The following EBF1 variants were observed in gnomAD, a reference collection of about 807,000 sequenced individuals.
The protein encoded by EBF1 is transcription factor COE1.
Under a neutral mutation model 68.4 loss-of-function variants are expected in EBF1, and 10 were observed. The ratio of observed to expected loss-of-function variants is 0.15; its 90% CI spans 0.09 to 0.25. The LOEUF (loss-of-function observed/expected upper bound fraction) is 0.25. Among genes scored for constraint, EBF1 ranks in the 10% least tolerant of loss-of-function variants. EBF1 has a pLI of 1.00. For synonymous variants in EBF1, 298 were observed against 299.8 expected, an observed-to-expected ratio of 0.99 and a Z score of 0.06; for missense variants, 509 against 794.4, an observed-to-expected ratio of 0.64 and a Z score of 4.32.
At chr5:158,910,121 G>A (rs1468279333) in intron 6 of EBF1, among the ~76,000 whole-genome samples, 3 of 152,096 alleles carry the variant, frequency 2.0e-5, no homozygotes, top group Non-Finnish European at 2.9e-5. Flanking sequence ...TTGAGCTATG[G>A]AATTTGTCTG....
At chr5:158,898,597 T>G (rs1802634419) in intron 6 of EBF1, among the ~76,000 whole-genome samples, 1 of 152,228 alleles carries the variant, frequency 6.6e-6, no homozygotes, top group Non-Finnish European at 1.5e-5. Flanking sequence ...AAACAATTGT[T>G]GGGTATAAAT....
chr5:159,006,647 T>TTAAAAAAAA (rs1763612371), intron 6 of EBF1, among the ~76,000 whole-genome samples: 1 of 56,226 alleles, frequency 1.8e-5, no homozygotes, highest in Non-Finnish European at 3.0e-5. Flanking sequence ...ATAGCCATGT[T>TTAAAAAAAA]AAAAAAAAAA....
intron 6 of EBF1, among the ~76,000 whole-genome samples, chr5:159,033,925 T>C (rs1019036782): frequency 6.6e-6 from 1 of 152,156 alleles, no homozygotes; most frequent in African/African-American, 2.4e-5. Flanking sequence ...TTTAATGTAA[T>C]AGGGTAAGCT....
At chr5:159,050,745 C>T (rs1169452065) in intron 6 of EBF1, among the ~76,000 whole-genome samples, 1 of 152,238 alleles carries the variant, frequency 6.6e-6, no homozygotes, top group Non-Finnish European at 1.5e-5. Flanking sequence ...AGGAGCCCTC[C>T]TTCCCCGCCA....
chr5:158,753,522 A>G (rs1769385452), intron 10 of EBF1, among the ~76,000 whole-genome samples: 1 of 152,104 alleles, frequency 6.6e-6, no homozygotes, highest in African/African-American at 2.4e-5. Flanking sequence ...GCATAACTAA[A>G]GGCAGGAACC....
intron 10 of EBF1, among the ~76,000 whole-genome samples, chr5:158,734,878 G>A (rs1014700125): frequency 1.3e-5 from 2 of 152,090 alleles, no homozygotes; most frequent in African/African-American, 2.4e-5. Flanking sequence ...CAAATACCCA[G>A]TCCACACACT....
At chr5:158,716,457 C>T (rs553615891) in intron 11 of EBF1, among the ~76,000 whole-genome samples, 4 of 152,256 alleles carry the variant, frequency 2.6e-5, no homozygotes, top group East Asian at 1.9e-4. Flanking sequence ...CACTTCAGGC[C>T]AGCAGTCTTG....
chr5:158,925,885 G>A (rs1809594518), intron 6 of EBF1, among the ~76,000 whole-genome samples: 1 of 152,186 alleles, frequency 6.6e-6, no homozygotes, highest in African/African-American at 2.4e-5. Context: ...GAGAATCAGT[G>A]TGCTAATACA....
chr5:158,848,747 C>A (rs955067123), intron 6 of EBF1, among the ~76,000 whole-genome samples: 1 of 152,156 alleles, frequency 6.6e-6, no homozygotes, highest in Non-Finnish European at 1.5e-5. Context: ...ATGTGTTTAG[C>A]ATTTTAAAGC....
intron 6 of EBF1, among the ~76,000 whole-genome samples, chr5:159,000,225 T>C (rs1188627753): frequency 1.3e-5 from 2 of 152,166 alleles, no homozygotes; most frequent in Admixed American, 1.3e-4. Context: ...CATTTAAGAA[T>C]GTTGTTGAAG....
chr5:158,745,949 T>A (rs1767466672), intron 10 of EBF1, among the ~76,000 whole-genome samples: 1 of 152,078 alleles, frequency 6.6e-6, no homozygotes, highest in African/African-American at 2.4e-5. Flanking sequence ...ATAATGTGGG[T>A]GAGTGTAGGG....
chr5:158,960,257 A>G (rs1015961667), intron 6 of EBF1, among the ~76,000 whole-genome samples: 3 of 152,236 alleles, frequency 2.0e-5, no homozygotes, highest in Admixed American at 1.3e-4. Flanking sequence ...TCATTAAGAG[A>G]AAGTGAGCTT....
intron 6 of EBF1, among the ~76,000 whole-genome samples, chr5:159,053,027 C>T (rs778649377): frequency 5.3e-4 from 80 of 152,170 alleles, no homozygotes; most frequent in African/African-American, 1.4e-3. Flanking sequence ...ATAGCGATTA[C>T]GCCAGCAAAG....
At chr5:158,720,868 A>G (rs1191609809) in intron 11 of EBF1, among the ~76,000 whole-genome samples, 2 of 152,244 alleles carry the variant, frequency 1.3e-5, no homozygotes, top group African/African-American at 4.8e-5. Context: ...TATAACAATT[A>G]TATTTTACAA....
At chr5:158,952,574 C>A (rs1332449569) in intron 6 of EBF1, among the ~76,000 whole-genome samples, 1 of 152,158 alleles carries the variant, frequency 6.6e-6, no homozygotes, top group African/African-American at 2.4e-5. Context: ...TTAATTACAG[C>A]TAAAGCAGCC....
At chr5:158,784,273 GC>G (rs1776988857) in intron 9 of EBF1, among the ~76,000 whole-genome samples, 1 of 152,200 alleles carries the variant, frequency 6.6e-6, no homozygotes, top group African/African-American at 2.4e-5. Context: ...TGGCCAGTCG[GC>G]CTGACTAATG....
At chr5:159,075,122 C>T (rs1778513419) in intron 5 of EBF1, among the ~76,000 whole-genome samples, 1 of 152,160 alleles carries the variant, frequency 6.6e-6, no homozygotes, top group African/African-American at 2.4e-5. Context: ...CAAGGTAATC[C>T]ACCTCACAGG....
At chr5:158,787,027 T>C (rs1195449299) in intron 9 of EBF1, among the ~76,000 whole-genome samples, 2 of 152,292 alleles carry the variant, frequency 1.3e-5, no homozygotes, top group East Asian at 3.9e-4. Context: ...TACTAGCACA[T>C]GCAACCAGTA....
chr5:158,740,612 A>G (rs1766125364), intron 10 of EBF1, among the ~76,000 whole-genome samples: 1 of 152,250 alleles, frequency 6.6e-6, no homozygotes, highest in African/African-American at 2.4e-5. Flanking sequence ...ATGGAATTAC[A>G]GAGAACTTAC....
Sources: allele counts gnomAD v4.1 joint callset (sites outside exome capture counted in the v4.1 genomes callset), GRCh38; gene constraint gnomAD v4.1.1; transcripts MANE v1.5; gene names NCBI Gene and HGNC (gene_info 2026-07-23, HGNC 2026-07-21).